The following SULF1 variants were observed in gnomAD, a reference collection of about 807,000 sequenced individuals.
The protein encoded by SULF1 is sulfatase 1, also known as extracellular sulfatase Sulf-1.
SULF1 carries 46 observed loss-of-function variants against 110.5 expected under a neutral mutation model. The observed-to-expected ratio is 0.42, with a 90% CI of 0.33 to 0.53. The LOEUF is 0.53. Among genes scored for constraint, SULF1 ranks in the 20% least tolerant of loss-of-function variants. The probability of loss-of-function intolerance (pLI) is 0.12; values close to 1 mark genes in which losing one functional copy is unlikely to be tolerated. For synonymous variants in SULF1, 371 were observed against 387.1 expected (o/e 0.96, Z 0.49); for missense variants, 941 against 1,094.2 (o/e 0.86, Z 1.98).
In SULF1 at chr8:69,506,807, G is replaced by T. The variant is rs561472698; in HGVS notation, c.-134+4839G>T. Among the ~76,000 whole-genome samples the T allele has an allele frequency of 2.0e-5, 3 of 152,352 alleles. No homozygotes were observed. In the East Asian group the frequency reaches 5.8e-4, roughly 29 times the overall value. Reference sequence around the variant, plus strand: ...GGAAAGGAGTTTAATTACGATGAGGGTGGGGACTGGGGGACATTCACAAGT... The same window carrying T: ...GGAAAGGAGTTTAATTACGATGAGGTTGGGGACTGGGGGACATTCACAAGT... On this transcript the variant is annotated intron_variant, in intron 3 of 22. Transcript: ENST00000402687.
chr8:69,645,712 G>GACTC (rs1183126597), intron 22 of SULF1, among the ~76,000 whole-genome samples: 1 of 150,326 alleles, frequency 6.7e-6, no homozygotes, highest in Non-Finnish European at 1.5e-5. Flanking sequence ...CAGAAGGCAA[G>GACTC]ACTCGTGTGG....
chr8:69,531,639 G>T (rs950492793), intron 3 of SULF1, among the ~76,000 whole-genome samples: 20 of 152,226 alleles, frequency 1.3e-4, no homozygotes, highest in Non-Finnish European at 4.4e-5. Context: ...AATTAATGTG[G>T]AAGCTGAAAA....
chr8:69,499,045 G>C (rs919970804), intron 2 of SULF1, among the ~76,000 whole-genome samples: 2 of 152,066 alleles, frequency 1.3e-5, no homozygotes, highest in African/African-American at 2.4e-5. Flanking sequence ...TTTTAGTAGA[G>C]ACAGGGTTTC....
chr8:69,566,676 C>A (rs1277576220), intron 5 of SULF1, among the ~76,000 whole-genome samples: 3 of 152,088 alleles, frequency 2.0e-5, no homozygotes, highest in South Asian at 4.2e-4. Flanking sequence ...CATAGTGAAA[C>A]CCCGTCTGTA....
chr8:69,626,786 C>G (rs377112559), intron 15 of SULF1, among the ~76,000 whole-genome samples: 3 of 152,370 alleles, frequency 2.0e-5, no homozygotes, highest in African/African-American at 7.2e-5. Context: ...GCCAAGCCCA[C>G]GCCCATCCGG....
intron 1 of SULF1, among the ~76,000 whole-genome samples, chr8:69,485,295 T>G (rs1004584915): frequency 2.0e-5 from 3 of 152,366 alleles, no homozygotes; most frequent in Middle Eastern, 3.4e-3. Flanking sequence ...TGTTCTACCC[T>G]GTGCATTCCA....
chr8:69,467,054 C>T (rs1383319779), intron 1 of SULF1: 1 of 152,176 alleles, frequency 6.6e-6, no homozygotes, highest in Non-Finnish European at 1.5e-5. Flanking sequence ...TGTTGCTGTC[C>T]TATCAATGCT....
At chr8:69,615,002 C>T (rs142075548) in intron 13 of SULF1, among the ~76,000 whole-genome samples, 67 of 152,286 alleles carry the variant, frequency 4.4e-4, no homozygotes, top group African/African-American at 1.4e-3. Flanking sequence ...TGGAGACAAT[C>T]GGATTTGGCA....
intron 3 of SULF1, among the ~76,000 whole-genome samples, chr8:69,547,724 C>T (rs957912247): frequency 6.6e-6 from 1 of 152,032 alleles, no homozygotes; most frequent in Non-Finnish European, 1.5e-5. Flanking sequence ...GTGTATTGTA[C>T]GTAGCATAGC....
At chr8:69,489,361 ATCCTACAC>A (rs1809823757), upstream of SULF1, among the ~76,000 whole-genome samples, 1 of 152,156 alleles carries the variant, frequency 6.6e-6, no homozygotes, top group East Asian at 1.9e-4. Context: ...ATGCAGAAGT[ATCCTACAC>A]TCCTCCCTTT....
intron 3 of SULF1, among the ~76,000 whole-genome samples, chr8:69,526,613 AAG>A (rs780232776): frequency 7.9e-6 from 1 of 126,620 alleles, no homozygotes; most frequent in Non-Finnish European, 1.6e-5. Context: ...AAAAAAAAAA[AAG>A]AAAGAAAGAA....
At chr8:69,507,133 G>A (rs892214176) in intron 3 of SULF1, among the ~76,000 whole-genome samples, 1 of 152,210 alleles carries the variant, frequency 6.6e-6, no homozygotes, top group African/African-American at 2.4e-5. Flanking sequence ...TAGAAAAAGT[G>A]TCTGGATTCT....
chr8:69,654,932 G>T (rs960751769), intron 22 of SULF1, among the ~76,000 whole-genome samples: 2 of 152,066 alleles, frequency 1.3e-5, no homozygotes, highest in Non-Finnish European at 2.9e-5. Flanking sequence ...GGACATTATG[G>T]GCTATAAAAT....
intron 22 of SULF1, among the ~76,000 whole-genome samples, chr8:69,641,960 C>G (rs528443892): frequency 4.1e-4 from 62 of 152,134 alleles, no homozygotes; most frequent in African/African-American, 1.5e-3. Context: ...TAATTTTCTA[C>G]TCTGAGCACA....
chr8:69,655,240 G>A (rs1353457439), intron 22 of SULF1, among the ~76,000 whole-genome samples: 1 of 152,044 alleles, frequency 6.6e-6, no homozygotes, highest in Non-Finnish European at 1.5e-5. Flanking sequence ...TCTCTTTTTG[G>A]CATTATATGT....
chr8:69,574,428 C>G (rs1434309311), intron 5 of SULF1, among the ~76,000 whole-genome samples: 1 of 152,172 alleles, frequency 6.6e-6, no homozygotes, highest in Non-Finnish European at 1.5e-5. Flanking sequence ...TTACTTCCTC[C>G]TTTTTTTCCA....
chr8:69,510,169 AAG>A (rs2150587453), intron 3 of SULF1, among the ~76,000 whole-genome samples: 1 of 152,310 alleles, frequency 6.6e-6, no homozygotes, highest in South Asian at 2.1e-4. Context: ...TAGTGCAAGA[AAG>A]AGCCCTTCCT....
chr8:69,468,837 T>C (rs748615212), intron 1 of SULF1, among the ~76,000 whole-genome samples: 3 of 152,194 alleles, frequency 2.0e-5, no homozygotes, highest in Non-Finnish European at 4.4e-5. Flanking sequence ...CCCTGAGATG[T>C]GGCATGATGG....
intron 19 of SULF1, among the ~76,000 whole-genome samples, chr8:69,633,855 C>T (rs1027004679): frequency 2.0e-5 from 3 of 151,890 alleles, no homozygotes; most frequent in Non-Finnish European, 4.4e-5. Flanking sequence ...TGTCTGTCCT[C>T]CCTGAGATTG....
Sources: allele counts gnomAD v4.1 joint callset (sites outside exome capture counted in the v4.1 genomes callset), GRCh38; gene constraint gnomAD v4.1.1; transcripts MANE v1.5; gene names NCBI Gene and HGNC (gene_info 2026-07-23, HGNC 2026-07-21).